Variants in METTL16 observed in about 807,000 individuals in gnomAD.
METTL16 encodes RNA N(6)-adenosine-methyltransferase METTL16.
METTL16 carries 19 observed loss-of-function variants against 57.9 expected under a neutral mutation model. That is an observed-to-expected ratio of 0.33 (90% CI 0.23 to 0.48). METTL16 has a LOEUF of 0.48. METTL16 is among the 20% of genes least tolerant of loss of function. The pLI, the probability that METTL16 is intolerant of heterozygous loss-of-function variation, is 0.99. For synonymous variants in METTL16, 246 were observed against 255.6 expected (o/e 0.96, Z 0.36); for missense variants, 434 against 691.5 (o/e 0.63, Z 4.18).
chr17:2,432,618 C>T (rs962643478), intron 8 of METTL16, among the ~76,000 whole-genome samples: 1 of 151,890 alleles, frequency 6.6e-6, no homozygotes, highest in Non-Finnish European at 1.5e-5. Flanking sequence ...CCGACGCTCA[C>T]GGTCATCGCC....
At chr17:2,465,546 CAAAAAA>C (rs547864019) in intron 5 of METTL16, among the ~76,000 whole-genome samples, 1 of 24,496 alleles carries the variant, frequency 4.1e-5, no homozygotes, top group African/African-American at 1.6e-4. Flanking sequence ...GACTCCATCT[CAAAAAA>C]AAAAAAAAAA....
intron 1 of METTL16, among the ~76,000 whole-genome samples, chr17:2,504,393 T>C (rs1158243688): frequency 1.3e-5 from 2 of 152,256 alleles, no homozygotes; most frequent in Non-Finnish European, 1.5e-5. Flanking sequence ...TATTTTTCCA[T>C]GATTTTAAAA....
At chr17:2,434,492 C>T (rs2066895942) in intron 8 of METTL16, among the ~76,000 whole-genome samples, 1 of 152,198 alleles carries the variant, frequency 6.6e-6, no homozygotes, top group Admixed American at 6.5e-5. Context: ...GGATCACAGG[C>T]ATCAGCCACC....
At chr17:2,469,992 C>T (rs894033239) in intron 4 of METTL16, among the ~76,000 whole-genome samples, 3 of 152,172 alleles carry the variant, frequency 2.0e-5, no homozygotes, top group Non-Finnish European at 4.4e-5. Context: ...ACCACTGATT[C>T]CCAGGGGAAA....
At chr17:2,454,670 T>C (rs536009418) in intron 6 of METTL16, among the ~76,000 whole-genome samples, 2 of 150,380 alleles carry the variant, frequency 1.3e-5, no homozygotes, top group South Asian at 4.2e-4. Flanking sequence ...GTTCAAGCAA[T>C]TTTCCCATCT....
At chr17:2,507,228 C>T (rs1377021468) in intron 1 of METTL16, among the ~76,000 whole-genome samples, 1 of 149,288 alleles carries the variant, frequency 6.7e-6, no homozygotes, top group Non-Finnish European at 1.5e-5. Context: ...CCCGGCCAGC[C>T]GCCCCGACCG....
chr17:2,504,260 C>T (rs1400645033), intron 1 of METTL16, among the ~76,000 whole-genome samples: 1 of 152,126 alleles, frequency 6.6e-6, no homozygotes, highest in Non-Finnish European at 1.5e-5. Flanking sequence ...TACAGAGTTT[C>T]ACTTTGGAAT....
At chr17:2,472,347 G>A (rs1036285411) in intron 4 of METTL16, among the ~76,000 whole-genome samples, 1 of 152,084 alleles carries the variant, frequency 6.6e-6, no homozygotes, top group African/African-American at 2.4e-5. Flanking sequence ...ATTGCTGCTG[G>A]GAGTGCAAAA....
intron 6 of METTL16, among the ~76,000 whole-genome samples, chr17:2,450,700 C>G (rs1474562360): frequency 6.6e-6 from 1 of 152,146 alleles, no homozygotes; most frequent in Non-Finnish European, 1.5e-5. Context: ...ACTAACAATA[C>G]ATATTCTGTC....
rs1198942352 is a variant in METTL16, at chr17:2,420,151, C to G, written c.1508G>C (p.Arg503Thr). Residue 503 changes from arginine (R) to threonine (T), a missense_variant, in exon 10 of 10, where the codon AGG (arginine) becomes ACG (threonine). This residue lies in a region of METTL16 where 168 missense variants were observed against 149.6 expected (regional missense o/e 1.12). Coordinates refer to ENST00000263092, the MANE Select transcript of METTL16 (RefSeq NM_024086.4). The surrounding 1 kb of genome is among the most constrained non-coding windows in gnomAD (Gnocchi z 5.4). ...SEQFGSPVAE[R>T]GKRLPGVAGQ... ...GGCCACTCCTGGGAGACGTTTCCCC[C>G]TTTCAGCCACTGGGCTGCCGAACTG... 1 of 1,614,246 alleles carries G rather than the reference C, an allele frequency of 6.2e-7. No homozygotes were observed. The highest frequency in any genetic ancestry group is 1.1e-5 in the South Asian group (1 of 91,086).
rs545879234 is a variant in METTL16, at chr17:2,424,809, G to A, written c.889-3905C>T. On this transcript the variant is annotated intron_variant, in intron 8 of 9. Transcript: ENST00000263092. ...TAAAAATACAAAAAATTAGCCAGGC[G>A]TGGCGGCACACGCCTGTAGTCCCAG... Among the ~76,000 whole-genome samples, 5 of 152,262 alleles carry A rather than the reference G, an allele frequency of 3.3e-5. No homozygotes were observed. The East Asian group carries it at 7.7e-4, about 24-fold the overall frequency.
chr17:2,458,409 T>TAAA (rs942623276), intron 6 of METTL16, among the ~76,000 whole-genome samples: 3 of 119,012 alleles, frequency 2.5e-5, no homozygotes, highest in East Asian at 4.5e-4. Context: ...GAGAATAAAT[T>TAAA]AAAAAAAAAA....
At chr17:2,489,742 A>AAAAAAAAAAC (rs1178164391) in intron 2 of METTL16, among the ~76,000 whole-genome samples, 11 of 150,340 alleles carry the variant, frequency 7.3e-5, no homozygotes, top group South Asian at 2.1e-4. Context: ...CAAAAAAAAA[A>AAAAAAAAAAC]AAAAAAACGA....
chr17:2,441,886 CA>C (rs1281449619), intron 6 of METTL16, among the ~76,000 whole-genome samples: 1 of 152,098 alleles, frequency 6.6e-6, no homozygotes, highest in African/African-American at 2.4e-5. Context: ...ATCTCTAGGA[CA>C]GAAATTAGAA....
intron 2 of METTL16, among the ~76,000 whole-genome samples, chr17:2,488,374 T>C (rs1247646164): frequency 6.6e-6 from 1 of 152,044 alleles, no homozygotes; most frequent in Non-Finnish European, 1.5e-5. Flanking sequence ...CTGGCCAATA[T>C]GGTGAAACCC....
At chr17:2,501,585 C>A (rs1276085703) in intron 2 of METTL16, among the ~76,000 whole-genome samples, 3 of 152,108 alleles carry the variant, frequency 2.0e-5, no homozygotes, top group African/African-American at 7.2e-5. Flanking sequence ...TTAGGCCAGG[C>A]ACAGTGGCTC....
chr17:2,487,156 CAT>C (rs2067349397), intron 2 of METTL16, among the ~76,000 whole-genome samples: 1 of 152,142 alleles, frequency 6.6e-6, no homozygotes, highest in Non-Finnish European at 1.5e-5. Context: ...CTGTGTTTCA[CAT>C]GAGTCTCCCA....
In METTL16 at chr17:2,438,132, A is replaced by G; in HGVS notation, c.865T>C (p.Phe289Leu). ...RTMRWALAWS[F>L]YDDVTVPSPP... ...ACTGGTACTGTGACATCATCATAAA[A>G]ACTCCAAGCTAAGGCCCATCTCATT... Residue 289 changes from phenylalanine to leucine, a missense_variant, in exon 8 of 10, where the codon TTT becomes CTT. Coordinates refer to ENST00000263092, the MANE Select transcript of METTL16 (RefSeq NM_024086.4). The G allele has an allele frequency of 6.2e-7, 1 of 1,613,680 alleles. No individual in the cohort carries two copies. Among genetic ancestry groups the G allele is most frequent in the Non-Finnish European group, 8.5e-7 (1 of 1,179,694 alleles).
At chr17:2,469,382 G>A (rs2067222405) in intron 4 of METTL16, among the ~76,000 whole-genome samples, 1 of 151,960 alleles carries the variant, frequency 6.6e-6, no homozygotes. Context: ...ATGAAGAAAA[G>A]TCTTATTTCT....
Sources: gnomAD v4.1 joint callset for allele counts (sites outside exome capture counted in the v4.1 genomes callset) on GRCh38, gnomAD v4.1.1 for gene constraint, gnomAD v4.1.1 regional missense constraint, Gnocchi (gnomAD v3.1) non-coding constraint, MANE v1.5 for transcripts, NCBI Gene and HGNC (gene_info 2026-07-23, HGNC 2026-07-21) for gene names.